RFTN2: variants seen among roughly 807,000 people sequenced by gnomAD.
RFTN2 encodes raftlin family member 2, also known as raftlin-2.
In RFTN2, 34 loss-of-function variants were observed where a neutral mutation model predicts 52.7. The ratio of observed to expected loss-of-function variants is 0.64; its 90% CI spans 0.49 to 0.86. The LOEUF is 0.86. Ranked by LOEUF, RFTN2 falls within the 40% of genes least tolerant of loss-of-function variation. The pLI is 0.00. For synonymous variants in RFTN2, 203 were observed against 217.7 expected, an observed-to-expected ratio of 0.93 and a Z score of 0.59; for missense variants, 536 against 600.1, an observed-to-expected ratio of 0.89 and a Z score of 1.12.
chr2:197,592,065 G>A (rs2087724898), intron 8 of RFTN2, among the ~76,000 whole-genome samples: 2 of 152,214 alleles, frequency 1.3e-5, no homozygotes, highest in Non-Finnish European at 2.9e-5. Context: ...CCCAGGCTGA[G>A]GAGGCGCGGA....
chr2:197,652,822 T>C (rs2088843026), intron 1 of RFTN2, among the ~76,000 whole-genome samples: 1 of 152,144 alleles, frequency 6.6e-6, no homozygotes, highest in African/African-American at 2.4e-5. Flanking sequence ...AAAGTCTAAG[T>C]TCAAAACACA....
At chr2:197,615,791 C>G (rs1559350069) in intron 7 of RFTN2, 85 bp downstream of exon 7, 1 of 730,486 alleles carries the variant, frequency 1.4e-6, no homozygotes, top group Non-Finnish European at 2.3e-6. Flanking sequence ...AGGCATTAAA[C>G]AAATATTTGT....
chr2:197,672,298 C>A (rs2089157454), intron 1 of RFTN2, among the ~76,000 whole-genome samples: 1 of 152,120 alleles, frequency 6.6e-6, no homozygotes, highest in Non-Finnish European at 1.5e-5. Flanking sequence ...AGCATAGCAG[C>A]GCAATCAGGA....
At chr2:197,675,150 A>G (rs941856386) in intron 1 of RFTN2, among the ~76,000 whole-genome samples, 170 bp downstream of exon 1, 1 of 152,212 alleles carries the variant, frequency 6.6e-6, no homozygotes, top group Non-Finnish European at 1.5e-5. Context: ...ATACGAAGCA[A>G]TCAACAAAAC....
intron 6 of RFTN2, among the ~76,000 whole-genome samples, chr2:197,616,322 C>G (rs1417023344): frequency 4.1e-5 from 1 of 24,122 alleles, no homozygotes; most frequent in East Asian, 6.6e-4. Flanking sequence ...GAGAGGGTCT[C>G]ATTCCTACAT....
chr2:197,674,593 C>T (rs1198033408), intron 1 of RFTN2, among the ~76,000 whole-genome samples: 1 of 151,982 alleles, frequency 6.6e-6, no homozygotes, highest in South Asian at 2.1e-4. Context: ...TAAAAAGCTG[C>T]TTTGTCTGTG....
rs560963861 is a variant in RFTN2, at chr2:197,580,232, C to T, written c.1234-7952G>A. 4.6e-5 allele frequency among the ~76,000 whole-genome samples: 7 copies of T among 152,286 alleles called. No homozygotes were observed. In the South Asian group the frequency reaches 8.3e-4, roughly 18 times the overall value. On this transcript the variant is annotated intron_variant, in intron 8 of 8. Coordinates refer to ENST00000295049, the MANE Select transcript of RFTN2 (RefSeq NM_144629.3). The stretch of plus-strand genomic sequence containing the variant: ...CCCCACAACAGAACTTTATTAACCT[C>T]GCCTTCAAGGTGTACAATAACAGAG...
chr2:197,595,904 C>G lies in RFTN2; in HGVS notation c.1233+87G>C, dbSNP rs748866891. 1.1e-5 allele frequency: 10 copies of G among 925,192 alleles called. No homozygotes were observed. In the Admixed American group the frequency reaches 2.0e-4, roughly 19 times the overall value. 57.3% of individuals were successfully genotyped at this position (925,192 alleles called of 1,614,324 possible). On this transcript the variant is annotated intron_variant, in intron 8 of 8. Coordinates refer to ENST00000295049, the MANE Select transcript of RFTN2 (RefSeq NM_144629.3). ...GAGGACTGTTTCCATATCATGTCCA[C>G]GCTTTCTTATTTGGAATTACAATGA...
At chr2:197,610,757 A>C (rs954211384) in intron 7 of RFTN2, among the ~76,000 whole-genome samples, 41 of 152,282 alleles carry the variant, frequency 2.7e-4, no homozygotes, top group African/African-American at 9.4e-4. Flanking sequence ...GTTTGTCACA[A>C]ATAGCTCTTA....
chr2:197,652,477 G>A lies in RFTN2; in HGVS notation c.140-5811C>T, dbSNP rs562992437. ...CAGAAGAGTCAGGTCTTAAGTGTGA[G>A]GAACTTTTAGAAATATCTTCATTTC... On this transcript the variant is annotated intron_variant, in intron 1 of 8. Coordinates refer to ENST00000295049, the MANE Select transcript of RFTN2 (RefSeq NM_144629.3). Among the ~76,000 whole-genome samples, 14 of 152,244 alleles carry A rather than the reference G, an allele frequency of 9.2e-5. No homozygotes were observed. The South Asian group carries it at 2.7e-3, about 29-fold the overall frequency.
chr2:197,605,123 A>G (rs1284383985), intron 7 of RFTN2, among the ~76,000 whole-genome samples: 1 of 152,326 alleles, frequency 6.6e-6, no homozygotes, highest in East Asian at 1.9e-4. Flanking sequence ...AGTATATTTA[A>G]GGGTGACATG....
chr2:197,626,450 G>C (rs916074860), intron 5 of RFTN2, among the ~76,000 whole-genome samples: 2 of 151,666 alleles, frequency 1.3e-5, no homozygotes, highest in Non-Finnish European at 2.9e-5. Flanking sequence ...TATAGTCCTG[G>C]TTACTCGGGA....
chr2:197,571,824 TA>T lies in RFTN2; in HGVS notation c.*183del. On this transcript the variant is annotated 3_prime_UTR_variant, in exon 9 of 9. Coordinates refer to ENST00000295049, the MANE Select transcript of RFTN2 (RefSeq NM_144629.3). ...AAGTGTAAACATGATTCTAAATGTA[TA>T]AATATGTTGGTTATTCTTCCTTGTC... 1.7e-6 allele frequency: 1 copy of T among 604,246 alleles called. No individual in the cohort carries two copies. The highest frequency in any genetic ancestry group is 2.9e-6 in the Non-Finnish European group (1 of 340,998). 37.4% of individuals were successfully genotyped at this position (604,246 alleles called of 1,614,324 possible).
In RFTN2 at chr2:197,570,828, T is replaced by C. The variant is rs1435665507; in HGVS notation, c.*1180A>G. On this transcript the variant is annotated 3_prime_UTR_variant, in exon 9 of 9. Transcript: ENST00000295049. ...TAAAAATGATGTTTTATTATTAAAA[T>C]GATCTTACAATGTCAACATCAATGT... The C allele has an allele frequency of 3.3e-5, 5 of 152,266 alleles. No individual in the cohort carries two copies. Among genetic ancestry groups the C allele is most frequent in the African/African-American group, 4.8e-5 (2 of 41,476 alleles). The allele number at this position is 152,266 out of a possible 1,614,324, so 9.4% of individuals were successfully genotyped here. A position where few individuals can be genotyped will look rare whatever the true frequency, so the allele number is the denominator to read the frequency against.
At chr2:197,586,620 A>C (rs1305766847) in intron 8 of RFTN2, among the ~76,000 whole-genome samples, 1 of 152,176 alleles carries the variant, frequency 6.6e-6, no homozygotes, top group African/African-American at 2.4e-5. Context: ...TATTCCACTA[A>C]TTCCCTTGCT....
At chr2:197,674,295 T>C (rs2089184877) in intron 1 of RFTN2, among the ~76,000 whole-genome samples, 1 of 125,946 alleles carries the variant, frequency 7.9e-6, no homozygotes, top group African/African-American at 3.0e-5. Context: ...AAAAATGGGC[T>C]GCTCTTGCTT....
intron 5 of RFTN2, among the ~76,000 whole-genome samples, chr2:197,627,056 G>A (rs2088376274): frequency 6.6e-6 from 1 of 152,218 alleles, no homozygotes; most frequent in South Asian, 2.1e-4. Context: ...TTAGGACCCT[G>A]TAGGGACTGG....
intron 8 of RFTN2, among the ~76,000 whole-genome samples, chr2:197,587,437 A>C (rs2087619222): frequency 6.6e-6 from 1 of 152,076 alleles, no homozygotes; most frequent in Admixed American, 6.6e-5. Context: ...AAGAAGTGAA[A>C]ATGGCCATTT....
intron 6 of RFTN2, among the ~76,000 whole-genome samples, chr2:197,617,173 A>C (rs2088158568): frequency 6.6e-6 from 1 of 152,224 alleles, no homozygotes; most frequent in Non-Finnish European, 1.5e-5. Context: ...GAGATAAAAC[A>C]CTAGTTGAGT....
Sources: gnomAD v4.1 joint callset for allele counts (sites outside exome capture counted in the v4.1 genomes callset) on GRCh38, gnomAD v4.1.1 for gene constraint, MANE v1.5 for transcripts, NCBI Gene and HGNC (gene_info 2026-07-23, HGNC 2026-07-21) for gene names.